The following FRMD4A variants were observed in gnomAD, a reference collection of about 807,000 sequenced individuals.
FRMD4A encodes FERM domain containing 4A.
A neutral mutation model predicts 129.1 loss-of-function variants in FRMD4A; 29 were observed. The ratio of observed to expected loss-of-function variants is 0.22; its 90% CI spans 0.17 to 0.31. The LOEUF is 0.31. Among genes scored for constraint, FRMD4A ranks in the 10% least tolerant of loss-of-function variants. The pLI, the probability that FRMD4A is intolerant of heterozygous loss-of-function variation, is 1.00. For synonymous variants in FRMD4A, 634 were observed against 571.6 expected (o/e 1.11, Z -1.56); for missense variants, 1,272 against 1,375.8 (o/e 0.92, Z 1.19).
intron 2 of FRMD4A, among the ~76,000 whole-genome samples, chr10:14,155,994 G>GT (rs1309855248): frequency 4.2e-4 from 64 of 152,240 alleles, no homozygotes; most frequent in African/African-American, 1.5e-3. Context: ...TAAATGTTAG[G>GT]ACACCTGTAC....
chr10:14,147,292 C>A (rs903906303), intron 2 of FRMD4A, among the ~76,000 whole-genome samples: 3 of 152,040 alleles, frequency 2.0e-5, no homozygotes, highest in Admixed American at 6.5e-5. Flanking sequence ...AGAGTTGCCT[C>A]CAGATGCTGG....
chr10:13,908,238 C>T (rs953375748), intron 2 of FRMD4A, among the ~76,000 whole-genome samples: 2 of 122,310 alleles, frequency 1.6e-5, no homozygotes, highest in African/African-American at 5.9e-5. Context: ...TAAAGTTAAA[C>T]ACTTTATCTT....
intron 2 of FRMD4A, among the ~76,000 whole-genome samples, chr10:13,959,197 G>T (rs1183981728): frequency 6.6e-6 from 1 of 152,094 alleles, no homozygotes; most frequent in Non-Finnish European, 1.5e-5. Context: ...AGTGGGCTAG[G>T]TGCGGAGGGT....
chr10:13,939,432 T>C (rs2095273980), intron 2 of FRMD4A, among the ~76,000 whole-genome samples: 3 of 152,242 alleles, frequency 2.0e-5, no homozygotes, highest in Admixed American at 2.0e-4. Flanking sequence ...CTGCCAATGC[T>C]TGACATGCTT....
intron 2 of FRMD4A, among the ~76,000 whole-genome samples, chr10:14,016,228 G>C (rs1215315995): frequency 1.3e-5 from 2 of 151,836 alleles, no homozygotes; most frequent in Non-Finnish European, 2.9e-5. Context: ...CGTGCTAATT[G>C]GACATCCCAG....
At chr10:13,760,990 G>C (rs2092049493) in intron 8 of FRMD4A, among the ~76,000 whole-genome samples, 1 of 151,802 alleles carries the variant, frequency 6.6e-6, no homozygotes, top group Non-Finnish European at 1.5e-5. Flanking sequence ...GTCTGGTGAT[G>C]ATCACAAGAG....
At chr10:14,187,398 T>G (rs1230965756) in intron 2 of FRMD4A, among the ~76,000 whole-genome samples, 1 of 152,224 alleles carries the variant, frequency 6.6e-6, no homozygotes, top group African/African-American at 2.4e-5. Flanking sequence ...CTTGCTAATC[T>G]GATGTTCTTT....
chr10:13,714,027 C>CATATATAT (rs1472919902), intron 12 of FRMD4A, among the ~76,000 whole-genome samples: 1 of 31,170 alleles, frequency 3.2e-5, no homozygotes, highest in Non-Finnish European at 5.1e-5. Context: ...ATAAAATATA[C>CATATATAT]ATATATATAT....
At chr10:13,666,911 CTTTT>C (rs10546068) in intron 17 of FRMD4A, among the ~76,000 whole-genome samples, 15 of 114,380 alleles carry the variant, frequency 1.3e-4, no homozygotes, top group South Asian at 8.9e-4. Flanking sequence ...CTTTTCTTTT[CTTTT>C]TTTTTTTTTT....
In FRMD4A at chr10:14,069,409, T is replaced by C. The variant is rs894874912; in HGVS notation, c.46-210497A>G. ...TTCTTCATGGAAGCTTGTGTACATA[T>C]GCATATTTGGGGGTCAGGGAGAGGG... On this transcript the variant is annotated intron_variant, in intron 2 of 24. Transcript: ENST00000357447. Among the ~76,000 whole-genome samples, 6 of 152,174 alleles carry C rather than the reference T, an allele frequency of 3.9e-5. No homozygotes were observed. The South Asian group carries it at 6.2e-4, about 16-fold the overall frequency.
At chr10:14,248,549 A>G (rs1286067521) in intron 2 of FRMD4A, among the ~76,000 whole-genome samples, 1 of 152,106 alleles carries the variant, frequency 6.6e-6, no homozygotes, top group African/African-American at 2.4e-5. Context: ...GTCACTGGAA[A>G]TTTTTTCCCA....
intron 22 of FRMD4A, 30 bp from the exon 23 acceptor site, chr10:13,654,542 G>C: frequency 7.1e-7 from 1 of 1,407,584 alleles, no homozygotes; most frequent in South Asian, 1.2e-5. Flanking sequence ...GAAAGGCAGA[G>C]AGCAGACAGG....
At chr10:14,312,902 C>T (rs2132107964) in intron 2 of FRMD4A, among the ~76,000 whole-genome samples, 1 of 152,032 alleles carries the variant, frequency 6.6e-6, no homozygotes, top group Non-Finnish European at 1.5e-5. Flanking sequence ...TGAGTTAACA[C>T]TATTGGAATT....
chr10:13,728,768 T>TA (rs1442659762), intron 12 of FRMD4A, among the ~76,000 whole-genome samples: 1 of 151,710 alleles, frequency 6.6e-6, no homozygotes, highest in Non-Finnish European at 1.5e-5. Flanking sequence ...GACGGGGTTT[T>TA]ATCACGTTGG....
intron 6 of FRMD4A, among the ~76,000 whole-genome samples, chr10:13,770,391 G>C (rs1321342834): frequency 6.6e-6 from 1 of 152,108 alleles, no homozygotes; most frequent in Non-Finnish European, 1.5e-5. Context: ...CCCATGTCAG[G>C]ATCTCAAGGA....
intron 2 of FRMD4A, among the ~76,000 whole-genome samples, chr10:13,876,093 G>A (rs576935779): frequency 6.6e-6 from 1 of 152,330 alleles, no homozygotes; most frequent in Admixed American, 6.5e-5. Flanking sequence ...AAATCATCAG[G>A]AAGGGACCAG....
chr10:13,703,571 C>T (rs1312808533), intron 13 of FRMD4A, among the ~76,000 whole-genome samples: 1 of 152,218 alleles, frequency 6.6e-6, no homozygotes, highest in Non-Finnish European at 1.5e-5. Context: ...GCAGTTCTGA[C>T]TGCCTTCCTG....
At position 14,118,247 on chromosome 10, in the gene FRMD4A, T is replaced by C. The variant is rs1180901342; in HGVS notation, c.45+211811A>G. On this transcript the variant is annotated intron_variant, in intron 2 of 24. Coordinates refer to ENST00000357447, the MANE Select transcript of FRMD4A (RefSeq NM_018027.5). ...TCTGGCCTCTCAATGTTGCCTCCAC[T>C]GCCAGAGTTAAAGATGCCATGCTTG... Among the ~76,000 whole-genome samples the C allele has an allele frequency of 3.3e-5, 5 of 152,326 alleles. No individual in the cohort carries two copies. The East Asian group carries it at 9.6e-4, about 29-fold the overall frequency.
At chr10:13,910,969 GA>G (rs2094935451) in intron 2 of FRMD4A, among the ~76,000 whole-genome samples, 1 of 137,508 alleles carries the variant, frequency 7.3e-6, no homozygotes, top group South Asian at 2.2e-4. Context: ...AAATTATTAA[GA>G]AAATGAAAAC....
Sources: gnomAD v4.1 joint callset for allele counts (sites outside exome capture counted in the v4.1 genomes callset) on GRCh38, gnomAD v4.1.1 for gene constraint, MANE v1.5 for transcripts, NCBI Gene and HGNC (gene_info 2026-07-23, HGNC 2026-07-21) for gene names.